Variants in RGR observed in about 807,000 individuals in gnomAD.
RGR encodes the protein retinal G protein coupled receptor, also known as RPE-retinal G protein-coupled receptor.
In RGR, 30 loss-of-function variants were observed where a neutral mutation model predicts 28.6. That is an observed-to-expected ratio of 1.05 (90% CI 0.78 to 1.42). RGR has a LOEUF of 1.42. Ranked by LOEUF, RGR falls within the 40% of genes most tolerant of loss-of-function variation. The pLI is 0.00. For synonymous variants in RGR, 180 were observed against 156.4 expected (o/e 1.15, Z -1.13); for missense variants, 404 against 375.6 (o/e 1.08, Z -0.62).
intron 1 of RGR, 45 bp from the exon 2 acceptor site, chr10:84,247,546 C>A: frequency 6.2e-7 from 1 of 1,608,194 alleles, no homozygotes; most frequent in Admixed American, 1.7e-5. Flanking sequence ...CTGACCCCAG[C>A]TGGGCCTCAG....
At chr10:84,250,682 G>A in intron 3 of RGR, 1 of 491,478 alleles carries the variant, frequency 2.0e-6, no homozygotes, top group Non-Finnish European at 3.7e-6. Context: ...GCAGGCAAAG[G>A]GGAATGAGGA....
chr10:84,252,088 A>C (rs1183671288), intron 3 of RGR, among the ~76,000 whole-genome samples: 2 of 152,208 alleles, frequency 1.3e-5, no homozygotes, highest in African/African-American at 2.4e-5. Context: ...GGAACCACTG[A>C]ATGGGAAGGA....
chr10:84,254,961 T>A (rs560061259), intron 5 of RGR, among the ~76,000 whole-genome samples: 1 of 152,314 alleles, frequency 6.6e-6, no homozygotes, highest in East Asian at 1.9e-4. Context: ...AGGAGCTTCT[T>A]ACTCACTTTT....
In RGR at chr10:84,248,914, T is replaced by C; in HGVS notation, c.237-8T>C. On this transcript the variant is annotated splice_region_variant and splice_polypyrimidine_tract_variant and intron_variant, in intron 2 of 6. Transcript: ENST00000652092. ...GGAGAGGTCACTGGTGCCCAGTGTC[T>C]CCCACAGGCGCTGGCCCTACGGCTC... The C allele has an allele frequency of 6.2e-7, 1 of 1,614,206 alleles. No individual in the cohort carries two copies. The highest frequency in any genetic ancestry group is 8.5e-7 in the Non-Finnish European group (1 of 1,180,032).
chr10:84,256,966 G>A (rs1245629140), intron 5 of RGR, among the ~76,000 whole-genome samples: 4 of 151,472 alleles, frequency 2.6e-5, no homozygotes. Flanking sequence ...CCGAGGTGCT[G>A]AGCTCCGTTG....
At chr10:84,251,271 T>C in intron 3 of RGR, among the ~76,000 whole-genome samples, 1 of 152,118 alleles carries the variant, frequency 6.6e-6, no homozygotes. Context: ...AGAACTGACA[T>C]CTTAACTATA....
chr10:84,253,080 G>T (rs1379178505), intron 4 of RGR, 70 bp downstream of exon 4: 18 of 1,541,334 alleles, frequency 1.2e-5, no homozygotes, highest in Admixed American at 3.7e-5. Flanking sequence ...TATGACAAGG[G>T]TGCCCCAGCT....
At chr10:84,249,145 A>C in intron 3 of RGR, 102 bp downstream of exon 3, 1 of 1,513,408 alleles carries the variant, frequency 6.6e-7, no homozygotes, top group Admixed American at 1.7e-5. Flanking sequence ...CGTGTTTCCC[A>C]GTACAGGGAA....
chr10:84,252,383 G>T (rs1333784132), intron 3 of RGR, among the ~76,000 whole-genome samples: 1 of 152,166 alleles, frequency 6.6e-6, no homozygotes, highest in Non-Finnish European at 1.5e-5. Context: ...CCTGAACTTT[G>T]TCTCTGAAAA....
chr10:84,257,116 G>T (rs1351308779), intron 5 of RGR, among the ~76,000 whole-genome samples: 1 of 152,208 alleles, frequency 6.6e-6, no homozygotes, highest in Non-Finnish European at 1.5e-5. Context: ...AAGAAAGTCA[G>T]GTCAGGGAGA....
rs192332681 is a variant in RGR at position 84,246,438 on chromosome 10, G to A, written c.80-1153G>A. On this transcript the variant is annotated intron_variant, in intron 1 of 6. Transcript: ENST00000652092. The stretch of plus-strand genomic sequence containing the variant: ...CATTGTGTCCTCTGAATGCCTTTGC[G>A]TACTCACGGTTTAGCTCCCACTTGT... Among the ~76,000 whole-genome samples the A allele has an allele frequency of 1.8e-4, 28 of 152,046 alleles. No individual in the cohort carries two copies. The East Asian group carries it at 2.9e-3, about 16-fold the overall frequency.
intron 3 of RGR, chr10:84,250,655 G>A (rs1325077614): frequency 1.8e-6 from 1 of 552,214 alleles, no homozygotes; most frequent in African/African-American, 1.9e-5. Flanking sequence ...CTGAGAGCAT[G>A]GCAGAGCAGT....
At chr10:84,247,094 G>T (rs11200940) in intron 1 of RGR, among the ~76,000 whole-genome samples, 1 of 152,066 alleles carries the variant, frequency 6.6e-6, no homozygotes, top group Non-Finnish European at 1.5e-5. Flanking sequence ...ATTCAAGGTC[G>T]GGTCTCTCTG....
chr10:84,256,472 C>T (rs962299883), intron 5 of RGR, among the ~76,000 whole-genome samples: 3 of 152,354 alleles, frequency 2.0e-5, no homozygotes, highest in East Asian at 1.9e-4. Context: ...GGGACTCCAC[C>T]ACCCATGTGG....
chr10:84,247,117 G>A (rs937805997), intron 1 of RGR, among the ~76,000 whole-genome samples: 1 of 152,150 alleles, frequency 6.6e-6, no homozygotes, highest in Non-Finnish European at 1.5e-5. Context: ...GCCAGAGTAC[G>A]CCCCCTTCAT....
chr10:84,253,832 A>G (rs1303718997), intron 4 of RGR, among the ~76,000 whole-genome samples: 1 of 152,112 alleles, frequency 6.6e-6, no homozygotes, highest in Non-Finnish European at 1.5e-5. Flanking sequence ...TCCCTTCAGA[A>G]AATGGGAATC....
chr10:84,257,080 T>G (rs1403129233), intron 5 of RGR, among the ~76,000 whole-genome samples: 3 of 152,238 alleles, frequency 2.0e-5, no homozygotes, highest in South Asian at 4.1e-4. Flanking sequence ...ATATGCCCTC[T>G]TCCAGCTTAA....
intron 3 of RGR, chr10:84,250,547 CACACA>C (rs1842803567): frequency 3.2e-5 from 22 of 685,132 alleles, no homozygotes; most frequent in Admixed American, 6.1e-5. Flanking sequence ...CACACACACA[CACACA>C]CACCACCTTC....
chr10:84,247,964 T>C (rs1842768707), intron 2 of RGR: 1 of 723,490 alleles, frequency 1.4e-6, no homozygotes, highest in Non-Finnish European at 2.3e-6. Flanking sequence ...ATGAAAGAGA[T>C]GGTAGGCTGT....
Sources: allele counts gnomAD v4.1 joint callset (sites outside exome capture counted in the v4.1 genomes callset), GRCh38; gene constraint gnomAD v4.1.1; transcripts MANE v1.5; gene names NCBI Gene and HGNC (gene_info 2026-07-23, HGNC 2026-07-21).